PALM2AKAP2: variants seen among roughly 807,000 people sequenced by gnomAD.
PALM2AKAP2 encodes PALM2-AKAP2 fusion protein.
Under a neutral mutation model 71.5 loss-of-function variants are expected in PALM2AKAP2, and 37 were observed. The observed-to-expected ratio is 0.52, with a 90% CI of 0.40 to 0.68. The LOEUF (loss-of-function observed/expected upper bound fraction) is 0.68. PALM2AKAP2 is among the 30% of genes least tolerant of loss of function. PALM2AKAP2 has a pLI of 0.00. For missense variants in PALM2AKAP2, 1,224 were observed against 1,191.8 expected, an observed-to-expected ratio of 1.03 and a Z score of -0.40; for synonymous variants, 468 against 478.8, an observed-to-expected ratio of 0.98 and a Z score of 0.29.
At chr9:110,039,845 C>T (rs1317230915) in intron 7 of PALM2AKAP2, among the ~76,000 whole-genome samples, 2 of 152,154 alleles carry the variant, frequency 1.3e-5, no homozygotes, top group African/African-American at 4.8e-5. Flanking sequence ...CAAACTGTTT[C>T]TGATACCTGG....
chr9:109,882,384 C>T (rs1274808935), intron 3 of PALM2AKAP2, among the ~76,000 whole-genome samples: 1 of 152,150 alleles, frequency 6.6e-6, no homozygotes, highest in Non-Finnish European at 1.5e-5. Context: ...AGCAGCTTGG[C>T]TAAACATTGT....
At chr9:109,872,874 A>G (rs1192401806) in intron 2 of PALM2AKAP2, among the ~76,000 whole-genome samples, 1 of 152,234 alleles carries the variant, frequency 6.6e-6, no homozygotes, top group Non-Finnish European at 1.5e-5. Context: ...TAGGCACAGT[A>G]CACAGTGTAA....
chr9:109,916,333 C>T (rs1830691266), intron 3 of PALM2AKAP2, among the ~76,000 whole-genome samples: 1 of 152,210 alleles, frequency 6.6e-6, no homozygotes, highest in African/African-American at 2.4e-5. Context: ...TTGTTTGGGC[C>T]TTGCAGGAAG....
At chr9:109,668,361 G>A (rs1428062170) in intron 1 of PALM2AKAP2, among the ~76,000 whole-genome samples, 2 of 152,196 alleles carry the variant, frequency 1.3e-5, no homozygotes, top group Non-Finnish European at 2.9e-5. Flanking sequence ...TTAATTTGCT[G>A]TTTCTTTCTA....
upstream of PALM2AKAP2, chr9:110,048,682 G>C: frequency 6.5e-7 from 1 of 1,526,984 alleles, no homozygotes. Flanking sequence ...CGCGCCCGGA[G>C]GCTACCACTC....
At chr9:110,102,455 A>G (rs1032073388) in intron 1 of PALM2AKAP2, among the ~76,000 whole-genome samples, 1 of 152,156 alleles carries the variant, frequency 6.6e-6, no homozygotes, top group Non-Finnish European at 1.5e-5. Context: ...TGTTTGTGTT[A>G]CCTCCAGAGC....
At chr9:110,007,810 A>C (rs1216292225) in intron 6 of PALM2AKAP2, among the ~76,000 whole-genome samples, 1 of 152,202 alleles carries the variant, frequency 6.6e-6, no homozygotes, top group Non-Finnish European at 1.5e-5. Flanking sequence ...GAATACCCAA[A>C]GATAGAGGTG....
chr9:109,868,994 C>T (rs899218399), intron 2 of PALM2AKAP2, among the ~76,000 whole-genome samples: 3 of 152,210 alleles, frequency 2.0e-5, no homozygotes, highest in African/African-American at 7.2e-5. Context: ...GCTCAGAGTA[C>T]AGTCCATTCA....
intron 1 of PALM2AKAP2, among the ~76,000 whole-genome samples, chr9:109,719,640 T>C (rs866938501): frequency 7.2e-5 from 11 of 152,188 alleles, no homozygotes; most frequent in South Asian, 2.1e-4. Flanking sequence ...CATGGATAGT[T>C]GGAGGATCAA....
At chr9:109,722,888 T>C (rs1828426175) in intron 1 of PALM2AKAP2, among the ~76,000 whole-genome samples, 1 of 152,178 alleles carries the variant, frequency 6.6e-6, no homozygotes, top group Non-Finnish European at 1.5e-5. Context: ...GAATATCACA[T>C]TTTCCCTTGC....
At chr9:110,168,360 T>A in intron 3 of PALM2AKAP2, 39 bp from the exon 11 acceptor site, 1 of 1,600,464 alleles carries the variant, frequency 6.2e-7, no homozygotes, top group Non-Finnish European at 8.5e-7. Flanking sequence ...ATAATTAACA[T>A]CCATGAACTC....
intron 6 of PALM2AKAP2, among the ~76,000 whole-genome samples, chr9:109,998,761 T>C (rs1288236977): frequency 8.9e-6 from 1 of 112,060 alleles, no homozygotes; most frequent in Non-Finnish European, 1.7e-5. Flanking sequence ...CGAGACCCTG[T>C]CGCAAAAAAA....
At chr9:109,989,138 C>A (rs549813817) in intron 6 of PALM2AKAP2, among the ~76,000 whole-genome samples, 6 of 152,226 alleles carry the variant, frequency 3.9e-5, no homozygotes, top group African/African-American at 1.2e-4. Context: ...GTTGAGAGGT[C>A]AAAAATTCTA....
chr9:110,157,311 G>T (rs1384839113), intron 3 of PALM2AKAP2, among the ~76,000 whole-genome samples: 1 of 152,200 alleles, frequency 6.6e-6, no homozygotes, highest in Non-Finnish European at 1.5e-5. Flanking sequence ...GTTGGTTGAG[G>T]ATCCTACTGA....
intron 1 of PALM2AKAP2, among the ~76,000 whole-genome samples, chr9:109,787,546 A>G (rs771570372): frequency 9.9e-5 from 15 of 152,230 alleles, no homozygotes; most frequent in Non-Finnish European, 1.9e-4. Flanking sequence ...AGTAAACTCA[A>G]CAGGTCAGGG....
chr9:109,820,760 C>T (rs1564163828), intron 1 of PALM2AKAP2, among the ~76,000 whole-genome samples: 1 of 152,180 alleles, frequency 6.6e-6, no homozygotes, highest in South Asian at 2.1e-4. Context: ...CTAAGGAAAG[C>T]ACCAAAAAGT....
chr9:109,955,097 T>C (rs754035200), intron 6 of PALM2AKAP2, among the ~76,000 whole-genome samples: 13 of 152,184 alleles, frequency 8.5e-5, no homozygotes, highest in Non-Finnish European at 1.3e-4. Flanking sequence ...CATTTGAGCA[T>C]GTGACCCCTA....
At chr9:109,660,491 C>T (rs1347670160) in intron 1 of PALM2AKAP2, among the ~76,000 whole-genome samples, 1 of 152,124 alleles carries the variant, frequency 6.6e-6, no homozygotes, top group African/African-American at 2.4e-5. Context: ...ATGATGCTTT[C>T]CAGCTTCATC....
intron 1 of PALM2AKAP2, among the ~76,000 whole-genome samples, chr9:109,706,994 A>G (rs573701875): frequency 6.6e-6 from 1 of 152,344 alleles, no homozygotes; most frequent in Non-Finnish European, 1.5e-5. Context: ...AATTATTTTA[A>G]TATGCTAAAA....
Sources: allele counts gnomAD v4.1 joint callset (sites outside exome capture counted in the v4.1 genomes callset), GRCh38; gene constraint gnomAD v4.1.1; transcripts MANE v1.5; gene names NCBI Gene and HGNC (gene_info 2026-07-23, HGNC 2026-07-21).